The following DMGDH variants were observed in gnomAD, a reference collection of about 807,000 sequenced individuals.
DMGDH encodes dimethylglycine dehydrogenase, mitochondrial.
DMGDH carries 76 observed loss-of-function variants against 95.2 expected under a neutral mutation model. The observed-to-expected ratio is 0.80, with a 90% CI of 0.66 to 0.97. The LOEUF (loss-of-function observed/expected upper bound fraction) is 0.97, where lower values mean the gene tolerates loss of function less well. Ranked by LOEUF, DMGDH falls within the 50% of genes least tolerant of loss-of-function variation. The pLI, the probability that DMGDH is intolerant of heterozygous loss-of-function variation, is 0.00. For missense variants in DMGDH, 987 were observed against 1,055.0 expected, an observed-to-expected ratio of 0.94 and a Z score of 0.89; for synonymous variants, 345 against 377.6, an observed-to-expected ratio of 0.91 and a Z score of 1.00.
chr5:79,029,995 C>A lies in DMGDH; in HGVS notation c.1723G>T (p.Gly575Cys). ...TNISHMLTPK[G>C]RVYAELTVSH... ...ACAGTCAGCTCAGCATACACTCGACCCTTGGGTGTTAACATGTGACTTATA... is the reference window on the plus strand; with the variant it reads ...ACAGTCAGCTCAGCATACACTCGACACTTGGGTGTTAACATGTGACTTATA... The change falls in exon 11 of 16, where the codon GGT becomes TGT. Residue 575 changes from glycine (G) to cysteine (C), a missense_variant. Physicochemically the swap from Gly to Cys is radical, Grantham distance 159. Coordinates refer to ENST00000255189, the MANE Select transcript of DMGDH (RefSeq NM_013391.3). 3 of 1,613,836 alleles carry A rather than the reference C, an allele frequency of 1.9e-6. No individual in the cohort carries two copies. The highest frequency in any genetic ancestry group is 2.5e-6 in the Non-Finnish European group (3 of 1,179,866).
In DMGDH at chr5:79,055,778, C is replaced by A. The variant is rs1238440013; in HGVS notation, c.375+32G>T. ...TCTTACATGTTTCTGAGAAGCCGAC[C>A]TAACAGACAGTTTCAAGTTAAATGC... On this transcript the variant is annotated intron_variant, in intron 3 of 15. Transcript: ENST00000255189. The A allele has an allele frequency of 2.1e-6, 3 of 1,412,370 alleles. No individual in the cohort carries two copies. The East Asian group carries it at 6.9e-5, about 32-fold the overall frequency. 87.5% of individuals were successfully genotyped at this position (1,412,370 alleles called of 1,614,324 possible). A position where few individuals can be genotyped will look rare whatever the true frequency, so the allele number is the denominator to read the frequency against.
chr5:79,033,170 T>C, intron 8 of DMGDH, 69 bp downstream of exon 8: 5 of 1,594,024 alleles, frequency 3.1e-6, no homozygotes, highest in Non-Finnish European at 3.4e-6. Context: ...ATAAAGACCA[T>C]CTAAAGTCAG....
At position 79,024,306 on chromosome 5, in the gene DMGDH, C is replaced by T; in HGVS notation, c.2215G>A (p.Glu739Lys). 1 of 1,613,640 alleles carries T rather than the reference C, an allele frequency of 6.2e-7. No individual in the cohort carries two copies. The highest frequency in any genetic ancestry group is 8.5e-7 in the Non-Finnish European group (1 of 1,179,748). The change falls in exon 14 of 16, where the codon GAA becomes AAA. Residue 739 changes from glutamate to lysine, a missense_variant. Glu to Lys is a moderately conservative substitution (Grantham distance 56). Transcript: ENST00000255189. ...TTCACAAAATATTCCAGTCCAGCTT[C>T]CAAAGGATTTGTATCACAGTTCATC... ...LEMNCDTNPL[E>K]AGLEYFVKLN...
chr5:79,061,789 G>A (rs61040982), intron 2 of DMGDH, among the ~76,000 whole-genome samples: 9,706 of 151,896 alleles, frequency 0.064, 665 homozygotes, highest in African/African-American at 0.15. Flanking sequence ...GCATGTTAGC[G>A]CACACCTGTA....
intron 14 of DMGDH, among the ~76,000 whole-genome samples, chr5:79,019,532 T>C (rs1753811960): frequency 6.6e-6 from 1 of 151,996 alleles, no homozygotes; most frequent in Admixed American, 6.6e-5. Context: ...TCTAATTGAT[T>C]TGGGGTAGGT....
chr5:79,047,007 T>C (rs965931615), intron 5 of DMGDH, among the ~76,000 whole-genome samples: 7 of 152,138 alleles, frequency 4.6e-5, no homozygotes, highest in African/African-American at 1.7e-4. Flanking sequence ...CTATATTACT[T>C]CAAATCCCAT....
intron 5 of DMGDH, among the ~76,000 whole-genome samples, chr5:79,045,070 A>T (rs995838884): frequency 6.6e-6 from 1 of 152,226 alleles, no homozygotes; most frequent in African/African-American, 2.4e-5. Flanking sequence ...GATGCCTAAA[A>T]TTCCAAAAGT....
At chr5:79,010,874 G>A (rs1052404239) in intron 14 of DMGDH, among the ~76,000 whole-genome samples, 3 of 152,110 alleles carry the variant, frequency 2.0e-5, no homozygotes, top group Admixed American at 6.5e-5. Context: ...ATCAGGTACT[G>A]TAAGTGGCAG....
intron 2 of DMGDH, among the ~76,000 whole-genome samples, chr5:79,062,890 G>C (rs1407228804): frequency 3.9e-5 from 6 of 152,110 alleles, no homozygotes; most frequent in Admixed American, 3.9e-4. Flanking sequence ...TCAAGAGATA[G>C]AGACCAGCCT....
At chr5:79,031,463 T>C (rs1449315275) in intron 9 of DMGDH, among the ~76,000 whole-genome samples, 2 of 152,244 alleles carry the variant, frequency 1.3e-5, no homozygotes, top group African/African-American at 4.8e-5. Context: ...TCACTTGCAC[T>C]TGTTAAATTC....
intron 14 of DMGDH, among the ~76,000 whole-genome samples, chr5:79,022,608 T>C (rs1430490297): frequency 6.6e-6 from 1 of 152,164 alleles, no homozygotes; most frequent in Non-Finnish European, 1.5e-5. Context: ...TCAGAAATTA[T>C]AAAAACATGC....
intron 2 of DMGDH, 123 bp downstream of exon 2, chr5:79,063,490 T>C: frequency 1.8e-6 from 2 of 1,121,952 alleles, no homozygotes; most frequent in South Asian, 2.6e-5. Context: ...CAACTGCACT[T>C]CCAACGCTAT....
At position 79,055,901 on chromosome 5, in the gene DMGDH, A is replaced by G. The variant is rs763870038; in HGVS notation, c.284T>C (p.Leu95Ser). The stretch of plus-strand genomic sequence containing the variant: ...TATTCCAGGATGAAAGTAAGTTGTT[A>G]AACCTGCCTTAAAAGCAGAGAGGAA... The part of the protein sequence containing the change: ...TAGSTWHAAG[L>S]TTYFHPGINL... The change falls in exon 3 of 16, where the codon TTA (leucine) becomes TCA (serine). Residue 95 changes from leucine to serine, a missense_variant. Coordinates refer to ENST00000255189, the MANE Select transcript of DMGDH (RefSeq NM_013391.3). 6.9e-6 allele frequency: 11 copies of G among 1,603,004 alleles called. No individual in the cohort carries two copies.
chr5:79,028,695 T>G (rs1754070155), intron 11 of DMGDH, 45 bp from the exon 12 acceptor site: 1 of 1,581,302 alleles, frequency 6.3e-7, no homozygotes, highest in Admixed American at 1.7e-5. Flanking sequence ...GCTTGAATAA[T>G]GTACTTTGGT....
At chr5:79,063,002 G>T (rs1755254611) in intron 2 of DMGDH, among the ~76,000 whole-genome samples, 1 of 152,084 alleles carries the variant, frequency 6.6e-6, no homozygotes, top group African/African-American at 2.4e-5. Context: ...TGAGGCAAGA[G>T]AATCGCTTGA....
chr5:79,030,118 G>A lies in DMGDH; in HGVS notation c.1684-84C>T. ...AACACCTATTGAAATAACAATGTGG[G>A]TGTTAAGAATGAAAAGTATCTGAAT... On this transcript the variant is annotated intron_variant, in intron 10 of 15. Transcript: ENST00000255189. The A allele has an allele frequency of 5.0e-6, 6 of 1,206,554 alleles. No individual in the cohort carries two copies. The South Asian group carries it at 8.3e-5, about 17-fold the overall frequency. 74.7% of individuals were successfully genotyped at this position (1,206,554 alleles called of 1,614,324 possible). A position where few individuals can be genotyped will look rare whatever the true frequency, so the allele number is the denominator to read the frequency against.
chr5:79,030,754 G>A (rs1002551254), intron 10 of DMGDH, 79 bp downstream of exon 10: 25 of 1,469,712 alleles, frequency 1.7e-5, no homozygotes, highest in Admixed American at 8.9e-5. Flanking sequence ...GAAATCATTA[G>A]GTGAACTAAA....
intron 5 of DMGDH, among the ~76,000 whole-genome samples, chr5:79,047,597 G>T (rs981415419): frequency 6.6e-6 from 1 of 152,146 alleles, no homozygotes; most frequent in African/African-American, 2.4e-5. Flanking sequence ...ACTAGTACCT[G>T]CCCGCGTCCC....
chr5:79,043,060 ATCC>A (rs1312713157), intron 6 of DMGDH, among the ~76,000 whole-genome samples: 3 of 152,130 alleles, frequency 2.0e-5, no homozygotes, highest in African/African-American at 7.2e-5. Context: ...TTGAAGTGCA[ATCC>A]TCCTCTTGTC....
Sources: allele counts gnomAD v4.1 joint callset (sites outside exome capture counted in the v4.1 genomes callset), GRCh38; gene constraint gnomAD v4.1.1; transcripts MANE v1.5; gene names NCBI Gene and HGNC (gene_info 2026-07-23, HGNC 2026-07-21).